The following XKR4 variants were observed in gnomAD, a reference collection of about 807,000 sequenced individuals.
XKR4 encodes XK-related protein 4.
XKR4 carries 12 observed loss-of-function variants against 53.9 expected under a neutral mutation model. That is an observed-to-expected ratio of 0.22 (90% CI 0.14 to 0.36). The LOEUF is 0.36. Ranked by LOEUF, XKR4 falls within the 10% of genes least tolerant of loss-of-function variation. The probability of loss-of-function intolerance (pLI) is 1.00; values close to 1 mark genes in which losing one functional copy is unlikely to be tolerated. For synonymous variants in XKR4, 354 were observed against 362.4 expected, an observed-to-expected ratio of 0.98 and a Z score of 0.26; for missense variants, 799 against 859.5, an observed-to-expected ratio of 0.93 and a Z score of 0.88.
At chr8:55,455,179 G>T in intron 2 of XKR4, 2 of 511,270 alleles carry the variant, frequency 3.9e-6, no homozygotes, top group South Asian at 1.8e-5. Flanking sequence ...TCGGGGACTC[G>T]AGGGCTGCGC....
At chr8:55,346,685 A>ATATGTGTG (rs1554519559) in intron 1 of XKR4, among the ~76,000 whole-genome samples, 1 of 138,396 alleles carries the variant, frequency 7.2e-6, no homozygotes, top group African/African-American at 2.7e-5. Flanking sequence ...TGTTGAGGTT[A>ATATGTGTG]TGTGTGTGTG....
At chr8:55,463,962 T>G (rs1805709259) in intron 2 of XKR4, among the ~76,000 whole-genome samples, 1 of 152,012 alleles carries the variant, frequency 6.6e-6, no homozygotes, top group Admixed American at 6.6e-5. Context: ...AATAACAGGC[T>G]CTGAAATTGA....
intron 1 of XKR4, among the ~76,000 whole-genome samples, chr8:55,158,899 G>T (rs376567745): frequency 6.6e-6 from 1 of 152,134 alleles, no homozygotes; most frequent in Non-Finnish European, 1.5e-5. Context: ...AGTGTATGTC[G>T]AAGTCAGGTA....
In XKR4 at chr8:55,288,429, A is replaced by G. The variant is rs540489863; in HGVS notation, c.807-69249A>G. ...GAACTTTATGCTTAAAATTTTTTAA[A>G]CAGTAGCTTCTACAATGGCTCCTGA... On this transcript the variant is annotated intron_variant, in intron 1 of 2. Transcript: ENST00000327381. Among the ~76,000 whole-genome samples the G allele has an allele frequency of 9.2e-5, 14 of 152,348 alleles. No homozygotes were observed. The South Asian group carries it at 2.9e-3, about 32-fold the overall frequency.
At chr8:55,443,530 TAAAAAA>T (rs751152509) in intron 2 of XKR4, among the ~76,000 whole-genome samples, 3,201 of 73,966 alleles carry the variant, frequency 0.043, 59 homozygotes, top group Middle Eastern at 0.1. Flanking sequence ...TCAGTTACAT[TAAAAAA>T]AAAAAAAAAA....
At chr8:55,295,115 G>T (rs982378498) in intron 1 of XKR4, among the ~76,000 whole-genome samples, 4 of 152,188 alleles carry the variant, frequency 2.6e-5, no homozygotes, top group Non-Finnish European at 5.9e-5. Context: ...CTAACACTCA[G>T]TGTAAGACAC....
intron 2 of XKR4, among the ~76,000 whole-genome samples, chr8:55,468,421 C>T (rs985634855): frequency 6.6e-6 from 1 of 151,990 alleles, no homozygotes; most frequent in South Asian, 2.1e-4. Flanking sequence ...TGAGTTTTAT[C>T]CCCATCTCTG....
chr8:55,386,496 T>C (rs935086236), intron 2 of XKR4, among the ~76,000 whole-genome samples: 14 of 152,214 alleles, frequency 9.2e-5, no homozygotes, highest in Non-Finnish European at 1.8e-4. Flanking sequence ...GCCAGGCAGA[T>C]TGACACCTGT....
At chr8:55,406,889 G>A (rs1254603315) in intron 2 of XKR4, among the ~76,000 whole-genome samples, 1 of 152,210 alleles carries the variant, frequency 6.6e-6, no homozygotes, top group African/African-American at 2.4e-5. Context: ...CAGAAGGCAG[G>A]AAGACAGGGA....
At chr8:55,205,595 T>C (rs959358882) in intron 1 of XKR4, among the ~76,000 whole-genome samples, 1 of 152,260 alleles carries the variant, frequency 6.6e-6, no homozygotes, top group African/African-American at 2.4e-5. Flanking sequence ...GTGAAAAATG[T>C]GACCTAGAAA....
intron 2 of XKR4, among the ~76,000 whole-genome samples, chr8:55,374,274 A>T (rs1338021656): frequency 1.3e-5 from 2 of 152,254 alleles, no homozygotes; most frequent in Non-Finnish European, 2.9e-5. Context: ...CTAGAAAGTG[A>T]GCATGACTAA....
In XKR4 at chr8:55,137,572, CTT is replaced by C. The variant is rs369443865; in HGVS notation, c.806+34297_806+34298del. On this transcript the variant is annotated intron_variant, in intron 1 of 2. Coordinates refer to ENST00000327381, the MANE Select transcript of XKR4 (RefSeq NM_052898.2). The stretch of plus-strand genomic sequence containing the variant: ...GGTTTAGATGCTTCACAGAAGAGAA[CTT>C]TTTTTTTTTTTTTTTTTTGAAATAG... Among the ~76,000 whole-genome samples, 668 of 130,702 alleles carry C rather than the reference CTT, an allele frequency of 5.1e-3. 7 individuals are homozygous for C. The highest frequency in any genetic ancestry group is 0.016 in the African/African-American group (571 of 35,664). 85.7% of individuals were successfully genotyped at this position (130,702 alleles called of 152,430 possible).
chr8:55,211,448 A>G (rs770774956), intron 1 of XKR4, among the ~76,000 whole-genome samples: 4 of 152,236 alleles, frequency 2.6e-5, no homozygotes, highest in African/African-American at 2.4e-5. Flanking sequence ...TCTGCCAGGA[A>G]TGTCCTACGT....
intron 2 of XKR4, among the ~76,000 whole-genome samples, chr8:55,446,148 T>TA (rs1369422663): frequency 4.8e-4 from 68 of 142,020 alleles, no homozygotes; most frequent in Non-Finnish European, 7.7e-4. Context: ...TATAGCGTTA[T>TA]TCCCAGGAAG....
At chr8:55,134,261 C>T (rs569527903) in intron 1 of XKR4, among the ~76,000 whole-genome samples, 1 of 152,190 alleles carries the variant, frequency 6.6e-6, no homozygotes, top group African/African-American at 2.4e-5. Flanking sequence ...GTGGGACCTT[C>T]CTTTCTTTTC....
At chr8:55,480,905 A>G (rs1806091063) in intron 2 of XKR4, among the ~76,000 whole-genome samples, 1 of 152,224 alleles carries the variant, frequency 6.6e-6, no homozygotes, top group African/African-American at 2.4e-5. Context: ...AAGAGGATAC[A>G]AAGAAATGGA....
rs759498331 is a variant in XKR4 at position 55,456,206 on chromosome 8, C to T, written c.1007-67075C>T. ...CAGCACTTTGGAAGGCCAAGGCGGG[C>T]GGATCACCTGAGGTAGGGATTTCGA... On this transcript the variant is annotated intron_variant, in intron 2 of 2. Transcript: ENST00000327381. 1.4e-4 allele frequency among the ~76,000 whole-genome samples: 21 copies of T among 152,094 alleles called. 1 individual carries two copies. Among genetic ancestry groups the T allele is most frequent in the South Asian group, 1.2e-3 (6 of 4,826 alleles).
At chr8:55,478,139 G>A (rs1366016134) in intron 2 of XKR4, among the ~76,000 whole-genome samples, 5 of 152,054 alleles carry the variant, frequency 3.3e-5, no homozygotes, top group Non-Finnish European at 7.3e-5. Flanking sequence ...AATGTTAAGG[G>A]CAGCCAGAGA....
rs183264945 is a variant in XKR4 at position 55,256,071 on chromosome 8, G to A, written c.807-101607G>A. Among the ~76,000 whole-genome samples the A allele has an allele frequency of 6.6e-4, 101 of 151,934 alleles. No homozygotes were observed. The Middle Eastern group carries it at 0.01, about 15-fold the overall frequency. On this transcript the variant is annotated intron_variant, in intron 1 of 2. Coordinates refer to ENST00000327381, the MANE Select transcript of XKR4 (RefSeq NM_052898.2). ...GGTTGTATCTAGGCAGAGTTAAAAGGATTAATAGCTCAGGGGAGCTGAAGG... is the reference window on the plus strand; with the variant it reads ...GGTTGTATCTAGGCAGAGTTAAAAGAATTAATAGCTCAGGGGAGCTGAAGG...
Sources: gnomAD v4.1 joint callset for allele counts (sites outside exome capture counted in the v4.1 genomes callset) on GRCh38, gnomAD v4.1.1 for gene constraint, MANE v1.5 for transcripts, NCBI Gene and HGNC (gene_info 2026-07-23, HGNC 2026-07-21) for gene names.